FRMD4A: variants seen among roughly 807,000 people sequenced by gnomAD.
The protein encoded by FRMD4A is FERM domain containing 4A, also known as FERM domain-containing protein 4A.
A neutral mutation model predicts 129.1 loss-of-function variants in FRMD4A; 29 were observed. The ratio of observed to expected loss-of-function variants is 0.22; its 90% CI spans 0.17 to 0.31. The LOEUF (loss-of-function observed/expected upper bound fraction) is 0.31. Among genes scored for constraint, FRMD4A ranks in the 10% least tolerant of loss-of-function variants. The pLI is 1.00. For missense variants in FRMD4A, 1,272 were observed against 1,375.8 expected, an observed-to-expected ratio of 0.92 and a Z score of 1.19; for synonymous variants, 634 against 571.6, an observed-to-expected ratio of 1.11 and a Z score of -1.56.
chr10:13,952,153 C>A (rs1396994687), intron 2 of FRMD4A, among the ~76,000 whole-genome samples: 2 of 146,910 alleles, frequency 1.4e-5, no homozygotes, highest in African/African-American at 5.1e-5. Flanking sequence ...ACTCTTTTTT[C>A]TGATTTTTCA....
chr10:13,813,703 T>C (rs571466735), intron 3 of FRMD4A, among the ~76,000 whole-genome samples: 1 of 152,354 alleles, frequency 6.6e-6, no homozygotes. Context: ...TTGAATTCAG[T>C]ACACTGTAGA....
rs75803843 is a variant in FRMD4A, at chr10:13,738,556, T to C, written c.673-626A>G. 0.01 allele frequency among the ~76,000 whole-genome samples: 1,528 copies of C among 152,258 alleles called. 54 individuals are homozygous for C. In the South Asian group the frequency reaches 0.12, roughly 12 times the overall value. On this transcript the variant is annotated intron_variant, in intron 11 of 24. Coordinates refer to ENST00000357447, the MANE Select transcript of FRMD4A (RefSeq NM_018027.5). ...AGGCAGGGTTTTAGGACTCATGCTG[T>C]TGGACAGGGTAGCACAGTGGAAGCT...
At chr10:13,863,625 T>C (rs1333927248) in intron 2 of FRMD4A, among the ~76,000 whole-genome samples, 2 of 151,886 alleles carry the variant, frequency 1.3e-5, no homozygotes, top group Non-Finnish European at 2.9e-5. Flanking sequence ...ATACGTATCC[T>C]AATTGTCATG....
intron 12 of FRMD4A, among the ~76,000 whole-genome samples, chr10:13,717,184 T>C (rs2134957318): frequency 6.6e-6 from 1 of 152,316 alleles, no homozygotes; most frequent in Non-Finnish European, 1.5e-5. Flanking sequence ...CAGACCTCAG[T>C]GGGATGCTTC....
intron 2 of FRMD4A, among the ~76,000 whole-genome samples, chr10:14,212,142 T>C (rs1368728603): frequency 6.6e-6 from 1 of 152,184 alleles, no homozygotes; most frequent in East Asian, 1.9e-4. Context: ...GCTGTGCCCT[T>C]CTACCCAGCA....
At chr10:13,974,900 G>A (rs10796148) in intron 2 of FRMD4A, among the ~76,000 whole-genome samples, 51,838 of 152,098 alleles carry the variant, frequency 0.34, 9,198 homozygotes, top group East Asian at 0.6. Context: ...GAGGCTGTGC[G>A]TGCAAGTGGC....
At position 14,032,735 on chromosome 10, in the gene FRMD4A, C is replaced by A. The variant is rs541289553; in HGVS notation, c.46-173823G>T. On this transcript the variant is annotated intron_variant, in intron 2 of 24. Transcript: ENST00000357447. ...CACCCCTCAGACACCAGCATGGCAT[C>A]CCCTCACCCCATCTGTTGCTAGGAG... Among the ~76,000 whole-genome samples the A allele has an allele frequency of 4.6e-5, 7 of 152,330 alleles. No individual in the cohort carries two copies. The South Asian group carries it at 1.4e-3, about 32-fold the overall frequency.
rs115622049 is a variant in FRMD4A at position 13,763,393 on chromosome 10, A to G, written c.385-713T>C. On this transcript the variant is annotated intron_variant, in intron 6 of 24. Coordinates refer to ENST00000357447, the MANE Select transcript of FRMD4A (RefSeq NM_018027.5). Reference sequence around the variant, plus strand: ...AGTGGGATTGTAACTCCTTAAAATTAAATAAAATGTAAAAATATAGTTCCT... The same window carrying G: ...AGTGGGATTGTAACTCCTTAAAATTGAATAAAATGTAAAAATATAGTTCCT... Among the ~76,000 whole-genome samples the G allele has an allele frequency of 6.8e-3, 1,032 of 152,322 alleles. 9 individuals are homozygous for G. Among genetic ancestry groups the G allele is most frequent in the African/African-American group, 0.023 (971 of 41,562 alleles).
chr10:14,110,021 C>A (rs1330431215), intron 2 of FRMD4A, among the ~76,000 whole-genome samples: 2 of 139,776 alleles, frequency 1.4e-5, no homozygotes, highest in South Asian at 4.7e-4. Context: ...GTTTTCAACT[C>A]GGGAGGCTGA....
intron 2 of FRMD4A, among the ~76,000 whole-genome samples, chr10:14,276,673 C>T (rs544180459): frequency 1.3e-5 from 2 of 152,250 alleles, no homozygotes; most frequent in African/African-American, 4.8e-5. Context: ...CAGAAGGAAA[C>T]AGATGAGAGG....
intron 2 of FRMD4A, among the ~76,000 whole-genome samples, chr10:14,185,676 A>T (rs556954661): frequency 6.6e-6 from 1 of 152,190 alleles, no homozygotes; most frequent in Non-Finnish European, 1.5e-5. Context: ...AGATGAGCAG[A>T]AGAGAGGATA....
At chr10:13,704,960 C>T (rs1464741306) in intron 13 of FRMD4A, among the ~76,000 whole-genome samples, 2 of 151,494 alleles carry the variant, frequency 1.3e-5, no homozygotes, top group Non-Finnish European at 2.9e-5. Context: ...CCCAGCTACT[C>T]GGGAGGCTGA....
At chr10:13,988,842 T>A (rs12572939) in intron 2 of FRMD4A, among the ~76,000 whole-genome samples, 1 of 152,140 alleles carries the variant, frequency 6.6e-6, no homozygotes, top group Non-Finnish European at 1.5e-5. Flanking sequence ...AAATAACCTA[T>A]GAGCATGGAC....
chr10:13,776,347 G>A (rs1345850066), intron 6 of FRMD4A, among the ~76,000 whole-genome samples: 1 of 152,206 alleles, frequency 6.6e-6, no homozygotes, highest in Non-Finnish European at 1.5e-5. Flanking sequence ...CTAAGATCAA[G>A]TGATCCTCCC....
At chr10:13,927,517 T>C (rs2095147086) in intron 2 of FRMD4A, among the ~76,000 whole-genome samples, 1 of 152,208 alleles carries the variant, frequency 6.6e-6, no homozygotes, top group African/African-American at 2.4e-5. Context: ...TGGATTCAAG[T>C]GGTTTCTGCC....
chr10:13,870,311 G>A (rs2094424790), intron 2 of FRMD4A, among the ~76,000 whole-genome samples: 1 of 152,142 alleles, frequency 6.6e-6, no homozygotes, highest in Admixed American at 6.5e-5. Flanking sequence ...CTCTGACATC[G>A]GCCTCACCTC....
At chr10:14,311,710 T>G (rs1374917662) in intron 2 of FRMD4A, among the ~76,000 whole-genome samples, 2 of 151,958 alleles carry the variant, frequency 1.3e-5, no homozygotes, top group Non-Finnish European at 2.9e-5. Context: ...ATCTTCTCCC[T>G]CCTGCCCCAC....
At chr10:14,139,528 C>T (rs1839727296) in intron 2 of FRMD4A, among the ~76,000 whole-genome samples, 1 of 152,076 alleles carries the variant, frequency 6.6e-6, no homozygotes, top group Non-Finnish European at 1.5e-5. Flanking sequence ...TGGCTCTCTA[C>T]AACCTTGACT....
At chr10:14,003,144 C>T (rs528584480) in intron 2 of FRMD4A, among the ~76,000 whole-genome samples, 5 of 152,122 alleles carry the variant, frequency 3.3e-5, no homozygotes, top group East Asian at 1.9e-4. Context: ...CTGGCCACGG[C>T]GAGAAGGCAA....
Sources: gnomAD v4.1 joint callset for allele counts (sites outside exome capture counted in the v4.1 genomes callset) on GRCh38, gnomAD v4.1.1 for gene constraint, MANE v1.5 for transcripts, NCBI Gene and HGNC (gene_info 2026-07-23, HGNC 2026-07-21) for gene names.